DPYSL3: variants seen among roughly 807,000 people sequenced by gnomAD.
DPYSL3 encodes the protein dihydropyrimidinase like 3.
DPYSL3 carries 16 observed loss-of-function variants against 66.1 expected under a neutral mutation model. The ratio of observed to expected loss-of-function variants is 0.24; its 90% CI spans 0.16 to 0.37. The LOEUF is 0.37. Ranked by LOEUF, DPYSL3 falls within the 10% of genes least tolerant of loss-of-function variation. The probability of loss-of-function intolerance (pLI) is 1.00; values close to 1 mark genes in which losing one functional copy is unlikely to be tolerated. For missense variants in DPYSL3, 738 were observed against 916.2 expected (o/e 0.81, Z 2.51); for synonymous variants, 338 against 345.1 (o/e 0.98, Z 0.23).
intron 1 of DPYSL3, chr5:147,453,678 T>G (rs1239861821): frequency 8.3e-6 from 12 of 1,452,242 alleles, no homozygotes; most frequent in South Asian, 4.2e-5. Context: ...CGCCCCGAGA[T>G]CAGGTGGAGT....
intron 13 of DPYSL3, 124 bp from the exon 14 acceptor site, chr5:147,394,247 C>T (rs1757905639): frequency 1.1e-5 from 10 of 927,464 alleles, no homozygotes; most frequent in African/African-American, 5.0e-5. Flanking sequence ...GCTGGCCTCA[C>T]CTCCCAAGAA....
intron 1 of DPYSL3, among the ~76,000 whole-genome samples, chr5:147,425,804 G>A (rs1752184399): frequency 6.6e-6 from 1 of 152,182 alleles, no homozygotes; most frequent in Admixed American, 6.5e-5. Flanking sequence ...ACAAATCAGT[G>A]TCAACCTGAC....
Position 147,393,801 on chromosome 5 carries a change from G to A in DPYSL3, c.*234C>T. On this transcript the variant is annotated 3_prime_UTR_variant, in exon 14 of 14. Coordinates refer to ENST00000343218, the MANE Select transcript of DPYSL3 (RefSeq NM_001197294.2). ...TAGTGGCCTGTCTGATTGCATGCAT[G>A]TAAATGGGGGGAGGGGAGTCAAACA... 2 of 543,246 alleles carry A rather than the reference G, an allele frequency of 3.7e-6. No homozygotes were observed. Among genetic ancestry groups the A allele is most frequent in the Non-Finnish European group, 6.6e-6 (2 of 302,678 alleles). 33.7% of individuals were successfully genotyped at this position (543,246 alleles called of 1,614,324 possible). A position where few individuals can be genotyped will look rare whatever the true frequency, so the allele number is the denominator to read the frequency against.
intron 1 of DPYSL3, among the ~76,000 whole-genome samples, chr5:147,471,454 T>C (rs994053579): frequency 6.6e-6 from 1 of 152,190 alleles, no homozygotes; most frequent in Non-Finnish European, 1.5e-5. Flanking sequence ...GGCCACTCCA[T>C]GCTTCTTCAT....
At chr5:147,409,363 T>C (rs958574060) in intron 6 of DPYSL3, among the ~76,000 whole-genome samples, 1 of 152,204 alleles carries the variant, frequency 6.6e-6, no homozygotes, top group Non-Finnish European at 1.5e-5. Flanking sequence ...GCCTAACATA[T>C]CAGAAGATGT....
chr5:147,497,582 C>T (rs1206843051), intron 1 of DPYSL3, among the ~76,000 whole-genome samples: 1 of 151,966 alleles, frequency 6.6e-6, no homozygotes, highest in Admixed American at 6.6e-5. Context: ...GTTGCTTCAA[C>T]ATTTGAGAAT....
chr5:147,497,632 T>C (rs1426999288), intron 1 of DPYSL3, among the ~76,000 whole-genome samples: 1 of 151,224 alleles, frequency 6.6e-6, no homozygotes, highest in Non-Finnish European at 1.5e-5. Flanking sequence ...CCAAACAGGC[T>C]AAAGAAGAAA....
At chr5:147,418,337 A>G (rs745777051) in intron 3 of DPYSL3, 110 bp downstream of exon 3, 26 of 1,179,712 alleles carry the variant, frequency 2.2e-5, no homozygotes, top group Middle Eastern at 5.6e-4. Flanking sequence ...ACACATCTAT[A>G]AACTGAACTG....
intron 1 of DPYSL3, among the ~76,000 whole-genome samples, chr5:147,462,499 G>A (rs1752948303): frequency 6.6e-6 from 1 of 152,128 alleles, no homozygotes; most frequent in South Asian, 2.1e-4. Flanking sequence ...AATCTACAAA[G>A]ATTCAGGGGC....
chr5:147,409,827 T>C (rs1751810329), intron 6 of DPYSL3, among the ~76,000 whole-genome samples: 1 of 152,178 alleles, frequency 6.6e-6, no homozygotes, highest in Non-Finnish European at 1.5e-5. Flanking sequence ...GCAACAAGCC[T>C]AGTCTCACTT....
chr5:147,477,561 CTTTTTTTTTTTTT>C (rs56406515), intron 1 of DPYSL3, among the ~76,000 whole-genome samples: 35 of 64,766 alleles, frequency 5.4e-4, no homozygotes, highest in African/African-American at 1.9e-3. Context: ...ACACCTAAAT[CTTTTTTTTTTTTT>C]TTTTTTTTTT....
At position 147,479,037 on chromosome 5, in the gene DPYSL3, A is replaced by C. The variant is rs529087929; in HGVS notation, c.381+30441T>G. Among the ~76,000 whole-genome samples the C allele has an allele frequency of 1.7e-3, 258 of 152,324 alleles. 3 individuals are homozygous for C. Among genetic ancestry groups the C allele is most frequent in the African/African-American group, 5.6e-3 (233 of 41,562 alleles). ...TAAATTTTTGTGGAATGTATACATT[A>C]ATAAATTCTACCTGAGTACATCATG... is the stretch of plus-strand genomic sequence containing the variant. On this transcript the variant is annotated intron_variant, in intron 1 of 13. Transcript: ENST00000343218.
intron 1 of DPYSL3, among the ~76,000 whole-genome samples, chr5:147,507,612 G>C (rs1179607206): frequency 6.6e-6 from 1 of 152,118 alleles, no homozygotes; most frequent in Non-Finnish European, 1.5e-5. Flanking sequence ...AACCTCCGTG[G>C]TCTCTTCTAA....
intron 12 of DPYSL3, 27 bp from the exon 13 acceptor site, chr5:147,395,748 A>T (rs2288808): frequency 0.25 from 406,566 of 1,611,012 alleles, 55,079 homozygotes; most frequent in East Asian, 0.55. Context: ...GCATGTCACC[A>T]TTCATTCATT....
chr5:147,434,680 A>G (rs942951676), intron 1 of DPYSL3, among the ~76,000 whole-genome samples: 3 of 151,858 alleles, frequency 2.0e-5, no homozygotes, highest in African/African-American at 7.3e-5. Context: ...TGTGACCTAA[A>G]ATGACGAAGA....
intron 1 of DPYSL3, among the ~76,000 whole-genome samples, chr5:147,483,352 A>G (rs1397381478): frequency 6.6e-6 from 1 of 152,232 alleles, no homozygotes. Flanking sequence ...TTGCCTGGCC[A>G]GACATGACAA....
At chr5:147,446,464 T>C (rs925313453) in intron 1 of DPYSL3, among the ~76,000 whole-genome samples, 1 of 152,206 alleles carries the variant, frequency 6.6e-6, no homozygotes, top group Admixed American at 6.5e-5. Flanking sequence ...AAATAGTAAT[T>C]AGGCCATGAG....
chr5:147,441,791 A>G (rs1212215350), intron 1 of DPYSL3, among the ~76,000 whole-genome samples: 1 of 152,182 alleles, frequency 6.6e-6, no homozygotes, highest in African/African-American at 2.4e-5. Flanking sequence ...CCCCTAGCCA[A>G]GCAAGGCTGT....
intron 1 of DPYSL3, among the ~76,000 whole-genome samples, chr5:147,458,291 G>A (rs1270408059): frequency 6.6e-6 from 1 of 152,152 alleles, no homozygotes; most frequent in African/African-American, 2.4e-5. Flanking sequence ...CCAAGATGGC[G>A]ACAAGAGTGA....
Sources: gnomAD v4.1 joint callset for allele counts (sites outside exome capture counted in the v4.1 genomes callset) on GRCh38, gnomAD v4.1.1 for gene constraint, MANE v1.5 for transcripts, NCBI Gene and HGNC (gene_info 2026-07-23, HGNC 2026-07-21) for gene names.